SLCO3A1: variants seen among roughly 807,000 people sequenced by gnomAD.
The protein encoded by SLCO3A1 is PGE1 transporter.
A neutral mutation model predicts 63.1 loss-of-function variants in SLCO3A1; 27 were observed. That is an observed-to-expected ratio of 0.43 (90% CI 0.32 to 0.59). The LOEUF (loss-of-function observed/expected upper bound fraction) is 0.59. Ranked by LOEUF, SLCO3A1 falls within the 20% of genes least tolerant of loss-of-function variation. SLCO3A1 has a pLI of 0.09. For synonymous variants in SLCO3A1, 473 were observed against 409.9 expected, an observed-to-expected ratio of 1.15 and a Z score of -1.86; for missense variants, 773 against 945.8, an observed-to-expected ratio of 0.82 and a Z score of 2.40.
chr15:92,070,642 CTTTTTT>C (rs57873454), intron 2 of SLCO3A1, among the ~76,000 whole-genome samples: 1 of 145,324 alleles, frequency 6.9e-6, no homozygotes, highest in East Asian at 2.1e-4. Flanking sequence ...ACACTCTAGA[CTTTTTT>C]TTTTTTTTTT....
chr15:92,086,770 G>A (rs2047409458), intron 2 of SLCO3A1, among the ~76,000 whole-genome samples: 1 of 152,056 alleles, frequency 6.6e-6, no homozygotes, highest in South Asian at 2.1e-4. Flanking sequence ...GAGGTCAAAA[G>A]TTCAGGACCA....
At position 92,082,515 on chromosome 15, in the gene SLCO3A1, C is replaced by T. The variant is rs573026552; in HGVS notation, c.647-12366C>T. ...CCTCACTCCTCCCACTTGCGAGAAC[C>T]ATCTAGGGTTAAAATTACTCCAAGT... On this transcript the variant is annotated intron_variant, in intron 2 of 9. Transcript: ENST00000318445. Among the ~76,000 whole-genome samples the T allele has an allele frequency of 6.6e-5, 10 of 152,292 alleles. No individual in the cohort carries two copies. The South Asian group carries it at 2.1e-3, about 32-fold the overall frequency.
chr15:92,106,394 G>A (rs1456687912), intron 4 of SLCO3A1, among the ~76,000 whole-genome samples: 1 of 152,114 alleles, frequency 6.6e-6, no homozygotes, highest in African/African-American at 2.4e-5. Context: ...CAGGCAAGGA[G>A]GGTGCCTGCG....
At chr15:92,080,748 A>G (rs1442813997) in intron 2 of SLCO3A1, among the ~76,000 whole-genome samples, 2 of 152,146 alleles carry the variant, frequency 1.3e-5, no homozygotes, top group Admixed American at 1.3e-4. Flanking sequence ...GGCTGGCTTT[A>G]CGAGAGATTT....
At chr15:91,909,596 G>A (rs896592003) in intron 1 of SLCO3A1, among the ~76,000 whole-genome samples, 6 of 152,106 alleles carry the variant, frequency 3.9e-5, no homozygotes, top group African/African-American at 9.7e-5. Flanking sequence ...TAGGTTCCCC[G>A]AAGCTCCCCA....
At chr15:91,987,397 CA>C (rs1020829787) in intron 2 of SLCO3A1, among the ~76,000 whole-genome samples, 11 of 152,274 alleles carry the variant, frequency 7.2e-5, no homozygotes, top group African/African-American at 2.2e-4. Flanking sequence ...GTGAACAAGA[CA>C]AAGTTCTTGC....
intron 8 of SLCO3A1, chr15:92,148,898 TTTAAAACTATTTAGAGAAGATGA>T (rs1321408797): frequency 1.3e-5 from 2 of 152,212 alleles, no homozygotes; most frequent in Non-Finnish European, 2.9e-5. Context: ...AACTATTGAA[TTTAAAACTATTTAGAGAAGATGA>T]TTATAATATG....
chr15:92,001,149 T>G (rs973317004), intron 2 of SLCO3A1, among the ~76,000 whole-genome samples: 1 of 131,264 alleles, frequency 7.6e-6, no homozygotes, highest in African/African-American at 2.9e-5. Context: ...TTTACAACCT[T>G]AAACCATTTT....
intron 1 of SLCO3A1, among the ~76,000 whole-genome samples, chr15:91,903,289 C>T (rs1438017572): frequency 6.6e-6 from 1 of 152,152 alleles, no homozygotes; most frequent in African/African-American, 2.4e-5. Context: ...GTGTGTTTTC[C>T]CTCCTAGCTC....
chr15:92,131,335 C>A (rs1832154947), intron 7 of SLCO3A1, among the ~76,000 whole-genome samples: 1 of 146,464 alleles, frequency 6.8e-6, no homozygotes, highest in African/African-American at 2.5e-5. Context: ...GCTGCCTCTC[C>A]AGCCTCAACC....
intron 2 of SLCO3A1, among the ~76,000 whole-genome samples, chr15:91,970,245 T>C (rs971543180): frequency 1.3e-5 from 2 of 152,320 alleles, no homozygotes; most frequent in Middle Eastern, 3.4e-3. Context: ...TTTAGTGTAT[T>C]ATTTAAAATC....
intron 2 of SLCO3A1, among the ~76,000 whole-genome samples, chr15:91,962,346 G>A (rs941092078): frequency 6.6e-6 from 1 of 152,006 alleles, no homozygotes. Flanking sequence ...AGGCATGGTG[G>A]CACATGCCTG....
intron 2 of SLCO3A1, among the ~76,000 whole-genome samples, chr15:92,026,533 C>CA (rs996950396): frequency 6.6e-6 from 1 of 152,076 alleles, no homozygotes; most frequent in African/African-American, 2.4e-5. Flanking sequence ...CTAGAGTCCA[C>CA]AGTAATTAAA....
chr15:92,141,144 C>A (rs2048126439), intron 7 of SLCO3A1, among the ~76,000 whole-genome samples: 1 of 152,054 alleles, frequency 6.6e-6, no homozygotes, highest in Admixed American at 6.5e-5. Context: ...AAGCTAGATC[C>A]CGCCACCCCC....
chr15:91,878,668 A>G (rs1344931797), intron 1 of SLCO3A1, among the ~76,000 whole-genome samples: 1 of 152,182 alleles, frequency 6.6e-6, no homozygotes, highest in Non-Finnish European at 1.5e-5. Flanking sequence ...ATGTCAAACC[A>G]TCCAGAACTG....
rs1597102968 is a variant in SLCO3A1 at position 91,900,724 on chromosome 15, G to A, written c.181-15269G>A. ...TTTCCCTAAAGACTAATAATGCTAAGCATCTTTTCAAATGCTTATTAGACA... is the reference window on the plus strand; with the variant it reads ...TTTCCCTAAAGACTAATAATGCTAAACATCTTTTCAAATGCTTATTAGACA... On this transcript the variant is annotated intron_variant, in intron 1 of 9. Coordinates refer to ENST00000318445, the MANE Select transcript of SLCO3A1 (RefSeq NM_013272.4). The surrounding 1 kb of genome is among the most constrained non-coding windows in gnomAD (Gnocchi z 4.3). 1.3e-5 allele frequency among the ~76,000 whole-genome samples: 2 copies of A among 152,314 alleles called. No homozygotes were observed. The highest frequency in any genetic ancestry group is 2.9e-5 in the Non-Finnish European group (2 of 68,014).
At chr15:91,972,661 G>A (rs969287075) in intron 2 of SLCO3A1, among the ~76,000 whole-genome samples, 2 of 152,174 alleles carry the variant, frequency 1.3e-5, no homozygotes, top group African/African-American at 2.4e-5. Context: ...TCTTCAGTAC[G>A]GTGGATTTAT....
At chr15:92,098,927 CAGTTTCCACAGCT>C (rs2047571593) in intron 3 of SLCO3A1, among the ~76,000 whole-genome samples, 1 of 152,218 alleles carries the variant, frequency 6.6e-6, no homozygotes, top group African/African-American at 2.4e-5. Flanking sequence ...GAGAGGTTAA[CAGTTTCCACAGCT>C]AGGGATAGAG....
intron 1 of SLCO3A1, among the ~76,000 whole-genome samples, chr15:91,904,447 G>T (rs1006190164): frequency 6.6e-6 from 1 of 152,068 alleles, no homozygotes; most frequent in African/African-American, 2.4e-5. Context: ...CATTCCTCTG[G>T]GCTTCCGGTT....
Sources: gnomAD v4.1 joint callset for allele counts (sites outside exome capture counted in the v4.1 genomes callset) on GRCh38, gnomAD v4.1.1 for gene constraint, Gnocchi (gnomAD v3.1) non-coding constraint, MANE v1.5 for transcripts, NCBI Gene and HGNC (gene_info 2026-07-23, HGNC 2026-07-21) for gene names.